The following OSBPL6 variants were observed in gnomAD, a reference collection of about 807,000 sequenced individuals.
The protein encoded by OSBPL6 is oxysterol-binding protein-related protein 6.
Under a neutral mutation model 125.8 loss-of-function variants are expected in OSBPL6, and 49 were observed. That is an observed-to-expected ratio of 0.39 (90% confidence interval 0.31 to 0.49). The LOEUF (loss-of-function observed/expected upper bound fraction) is 0.49, where lower values mean the gene tolerates loss of function less well. Among genes scored for constraint, OSBPL6 ranks in the 20% least tolerant of loss-of-function variants. The pLI is 0.88. For synonymous variants in OSBPL6, 394 were observed against 391.8 expected, an observed-to-expected ratio of 1.01 and a Z score of -0.07; for missense variants, 986 against 1,135.4, an observed-to-expected ratio of 0.87 and a Z score of 1.89.
chr2:178,266,629 A>C (rs762790848), intron 1 of OSBPL6, among the ~76,000 whole-genome samples: 14 of 152,214 alleles, frequency 9.2e-5, no homozygotes, highest in Admixed American at 2.0e-4. Context: ...GCCTTAACAC[A>C]TGGAGCGAGG....
intron 14 of OSBPL6, among the ~76,000 whole-genome samples, chr2:178,373,088 C>G (rs1004806910): frequency 6.6e-6 from 1 of 152,122 alleles, no homozygotes; most frequent in African/African-American, 2.4e-5. Flanking sequence ...TCTATAGGTA[C>G]AAGGGTTCTA....
At chr2:178,202,275 T>C (rs1559110306) in intron 1 of OSBPL6, among the ~76,000 whole-genome samples, 1 of 152,226 alleles carries the variant, frequency 6.6e-6, no homozygotes, top group Non-Finnish European at 1.5e-5. Flanking sequence ...TCATTTTCTT[T>C]CTTCTTAAAA....
Position 178,397,539 on chromosome 2 carries a change from T to G in OSBPL6, c.*1980T>G, listed in dbSNP as rs896417621. ...ACTTCCTCACGGGAGTCTGTTCTCC[T>G]ATGGTTGATAAAGCTTTAAATACTA... On this transcript the variant is annotated 3_prime_UTR_variant, in exon 25 of 25. Transcript: ENST00000190611. 6.6e-6 allele frequency: 1 copy of G among 152,246 alleles called. No individual in the cohort carries two copies. Among genetic ancestry groups the G allele is most frequent in the South Asian group, 2.1e-4 (1 of 4,832 alleles). The allele number at this position is 152,246 out of a possible 1,614,324, so 9.4% of individuals were successfully genotyped here.
rs374397059 is a variant in OSBPL6, at chr2:178,391,267, G to A, written c.2446+50G>A. On this transcript the variant is annotated intron_variant, in intron 22 of 24. Coordinates refer to ENST00000190611, the MANE Select transcript of OSBPL6 (RefSeq NM_032523.4). The stretch of plus-strand genomic sequence containing the variant: ...CAACAGGAGGGCACTATGGACAACA[G>A]AAGGGAAGAGAACATCAGGTCATCT... 2.3e-3 allele frequency: 3,418 copies of A among 1,508,032 alleles called. 33 individuals are homozygous for A. The highest frequency in any genetic ancestry group is 0.015 in the Middle Eastern group (80 of 5,242). 93.4% of individuals were successfully genotyped at this position (1,508,032 alleles called of 1,614,324 possible). A position where few individuals can be genotyped will look rare whatever the true frequency, so the allele number is the denominator to read the frequency against.
chr2:178,381,190 T>G (rs1334610906), intron 15 of OSBPL6, among the ~76,000 whole-genome samples: 1 of 152,204 alleles, frequency 6.6e-6, no homozygotes, highest in Non-Finnish European at 1.5e-5. Context: ...TTATCTTCTC[T>G]TTCCTGATCT....
rs564344350 is a variant in OSBPL6, at chr2:178,197,908, G to T, written c.-351+3234G>T. 1.1e-4 allele frequency among the ~76,000 whole-genome samples: 16 copies of T among 152,338 alleles called. No individual in the cohort carries two copies. In the South Asian group the frequency reaches 3.3e-3, roughly 32 times the overall value. On this transcript the variant is annotated intron_variant, in intron 1 of 24. Coordinates refer to ENST00000190611, the MANE Select transcript of OSBPL6 (RefSeq NM_032523.4). ...AAGATATTAGTTGAAAGATGAAGAT[G>T]CAGTCCCTATGCATAGGCATGAGTT... is the stretch of plus-strand genomic sequence containing the variant.
intron 3 of OSBPL6, among the ~76,000 whole-genome samples, chr2:178,314,704 G>A (rs1432875477): frequency 6.6e-6 from 1 of 152,138 alleles, no homozygotes; most frequent in Non-Finnish European, 1.5e-5. Context: ...AATATTTCAC[G>A]AGCTCTCACT....
At chr2:178,295,609 T>C (rs975908897) in intron 2 of OSBPL6, among the ~76,000 whole-genome samples, 1 of 152,122 alleles carries the variant, frequency 6.6e-6, no homozygotes, top group African/African-American at 2.4e-5. Context: ...GGTTATCTCC[T>C]TGGGTTACTG....
chr2:178,270,669 G>A (rs1331724838), intron 1 of OSBPL6, among the ~76,000 whole-genome samples: 1 of 152,154 alleles, frequency 6.6e-6, no homozygotes, highest in East Asian at 1.9e-4. Flanking sequence ...TGATATGAAT[G>A]TTTTTAATCT....
chr2:178,367,432 T>C (rs1307259594), intron 13 of OSBPL6, among the ~76,000 whole-genome samples: 2 of 152,238 alleles, frequency 1.3e-5, no homozygotes, highest in African/African-American at 4.8e-5. Context: ...AATGTTTAAA[T>C]TTATGATGAT....
chr2:178,364,206 T>C (rs2154100010), intron 13 of OSBPL6, among the ~76,000 whole-genome samples: 1 of 152,338 alleles, frequency 6.6e-6, no homozygotes, highest in East Asian at 1.9e-4. Context: ...TAAGAGTAGC[T>C]GATTAAGTAG....
At chr2:178,303,963 G>A (rs1360584838) in intron 2 of OSBPL6, among the ~76,000 whole-genome samples, 1 of 152,084 alleles carries the variant, frequency 6.6e-6, no homozygotes, top group East Asian at 1.9e-4. Context: ...GGCTTCTCAT[G>A]CTTATGATAA....
At chr2:178,379,887 G>A (rs1017397) in intron 15 of OSBPL6, among the ~76,000 whole-genome samples, 54,816 of 152,046 alleles carry the variant, frequency 0.36, 10,524 homozygotes, top group East Asian at 0.63. Context: ...ATTCATCCAT[G>A]TGTGCAATCA....
rs778224331 is a variant in OSBPL6 at position 178,346,621 on chromosome 2, G to A, written c.988-2603G>A. ...AGAAAGGCCCAAATTGAGTGTTGAGGGTTCTCAGGTATCAACATGGAGAGC... is the reference window on the plus strand; with the variant it reads ...AGAAAGGCCCAAATTGAGTGTTGAGAGTTCTCAGGTATCAACATGGAGAGC... On this transcript the variant is annotated intron_variant, in intron 11 of 24. Transcript: ENST00000190611. 1.1e-3 allele frequency among the ~76,000 whole-genome samples: 172 copies of A among 152,064 alleles called. 2 individuals carry two copies. The highest frequency in any genetic ancestry group is 2.2e-3 in the Admixed American group (34 of 15,276).
At chr2:178,338,103 G>A (rs1244866667) in intron 9 of OSBPL6, among the ~76,000 whole-genome samples, 1 of 151,964 alleles carries the variant, frequency 6.6e-6, no homozygotes, top group East Asian at 1.9e-4. Context: ...CATCATGCCT[G>A]GCTAATTTTT....
At chr2:178,338,878 T>C in intron 9 of OSBPL6, 113 bp from the exon 10 acceptor site, 2 of 671,722 alleles carry the variant, frequency 3.0e-6, no homozygotes, top group Admixed American at 5.8e-5. Flanking sequence ...CTTCATCATA[T>C]AAACATGGAT....
At chr2:178,318,424 C>A (rs140090066) in intron 3 of OSBPL6, among the ~76,000 whole-genome samples, 1 of 152,290 alleles carries the variant, frequency 6.6e-6, no homozygotes, top group Admixed American at 6.5e-5. Flanking sequence ...TAGAGACCTA[C>A]TGTTAATGCA....
intron 13 of OSBPL6, among the ~76,000 whole-genome samples, chr2:178,364,582 G>A (rs565616627): frequency 4.4e-4 from 67 of 152,276 alleles, no homozygotes; most frequent in African/African-American, 5.5e-4. Context: ...ACACAGAGTC[G>A]AGACAGTCCA....
At chr2:178,368,253 C>T (rs922253727) in intron 13 of OSBPL6, among the ~76,000 whole-genome samples, 2 of 152,108 alleles carry the variant, frequency 1.3e-5, no homozygotes, top group Non-Finnish European at 2.9e-5. Context: ...TAAAAACAGC[C>T]TGTACGATCA....
Sources: gnomAD v4.1 joint callset for allele counts (sites outside exome capture counted in the v4.1 genomes callset) on GRCh38, gnomAD v4.1.1 for gene constraint, MANE v1.5 for transcripts, NCBI Gene and HGNC (gene_info 2026-07-23, HGNC 2026-07-21) for gene names.